WASF2: variants seen among roughly 807,000 people sequenced by gnomAD.
WASF2 encodes the protein actin-binding protein WASF2.
A neutral mutation model predicts 45.0 loss-of-function variants in WASF2; 14 were observed. That is an observed-to-expected ratio of 0.31 (90% CI 0.21 to 0.49). The LOEUF (loss-of-function observed/expected upper bound fraction) is 0.49, where lower values mean the gene tolerates loss of function less well. Ranked by LOEUF, WASF2 falls within the 20% of genes least tolerant of loss-of-function variation. WASF2 has a pLI of 0.99. For missense variants in WASF2, 439 were observed against 636.1 expected (o/e 0.69, Z 3.33); for synonymous variants, 200 against 236.3 (o/e 0.85, Z 1.41).
intron 1 of WASF2, among the ~76,000 whole-genome samples, chr1:27,452,922 A>G (rs564339247): frequency 7.0e-4 from 105 of 150,358 alleles, no homozygotes; most frequent in African/African-American, 2.3e-3. Context: ...TAAGAAGAAT[A>G]TTGCCAGGCA....
At chr1:27,471,423 C>G (rs72884609) in intron 1 of WASF2, among the ~76,000 whole-genome samples, 5 of 150,682 alleles carry the variant, frequency 3.3e-5, no homozygotes, top group African/African-American at 1.2e-4. Context: ...GAAGCTGTGA[C>G]GGAAGAATCG....
At chr1:27,409,428 C>CAAAAAAAAAAAAAAAAAAA in intron 8 of WASF2, among the ~76,000 whole-genome samples, 1 of 43,692 alleles carries the variant, frequency 2.3e-5, no homozygotes, top group Non-Finnish European at 5.9e-5. Context: ...CTGTCCCCCA[C>CAAAAAAAAAAAAAAAAAAA]AAAAAAAAAA....
chr1:27,483,758 A>T (rs1346605385), intron 1 of WASF2, among the ~76,000 whole-genome samples: 1 of 151,950 alleles, frequency 6.6e-6, no homozygotes, highest in Non-Finnish European at 1.5e-5. Context: ...GTTTAAGACC[A>T]GCCTGGGCAA....
At chr1:27,444,069 G>A (rs755085940) in intron 1 of WASF2, among the ~76,000 whole-genome samples, 6 of 152,062 alleles carry the variant, frequency 3.9e-5, no homozygotes, top group African/African-American at 7.2e-5. Flanking sequence ...ATGAGCCACC[G>A]CGCCTGGCCT....
intron 1 of WASF2, among the ~76,000 whole-genome samples, chr1:27,478,739 C>T (rs1429864147): frequency 6.6e-6 from 1 of 152,018 alleles, no homozygotes; most frequent in East Asian, 1.9e-4. Flanking sequence ...TCCGTCACCA[C>T]ACCCAGATAA....
At position 27,409,796 on chromosome 1, in the gene WASF2, C is replaced by A; in HGVS notation, c.1235G>T (p.Gly412Val). 2 of 1,559,364 alleles carry A rather than the reference C, an allele frequency of 1.3e-6. No individual in the cohort carries two copies. Among genetic ancestry groups the A allele is most frequent in the South Asian group, 1.2e-5 (1 of 81,302 alleles). ...PPPPPFTGAD[G>V]QPAIPPPLSD... Reference sequence around the variant, plus strand: ...AAGCGGTGGTGGTATAGCAGGCTGGCCATCTGCACCAGTGAAAGGGGGAGG... The same window carrying A: ...AAGCGGTGGTGGTATAGCAGGCTGGACATCTGCACCAGTGAAAGGGGGAGG... Residue 412 changes from glycine to valine, a missense_variant, in exon 8 of 9, where the codon GGC (glycine) becomes GTC (valine). Physicochemically the swap from Gly to Val is moderately radical, Grantham distance 109 (BLOSUM62 -3). This residue lies in a region of WASF2 where 286 missense variants were observed against 373.5 expected (regional missense o/e 0.77). Transcript: ENST00000618852.
rs1444126331 is a variant in WASF2 at position 27,481,720 on chromosome 1, T to A, written c.-44+8266A>T. Among the ~76,000 whole-genome samples the A allele has an allele frequency of 2.0e-5, 3 of 150,164 alleles. 1 individual carries two copies. The highest frequency in any genetic ancestry group is 2.0e-4 in the Admixed American group (3 of 15,042). ...GCCTGGGCGACAGAGCAAGACTCCATCTCAAAAAAAAGAAAAAAGAAAAAA... is the reference window on the plus strand; with the variant it reads ...GCCTGGGCGACAGAGCAAGACTCCAACTCAAAAAAAAGAAAAAAGAAAAAA... On this transcript the variant is annotated intron_variant, in intron 1 of 8. Coordinates refer to ENST00000618852, the MANE Select transcript of WASF2 (RefSeq NM_006990.5).
At chr1:27,486,997 T>C (rs936814281) in intron 1 of WASF2, among the ~76,000 whole-genome samples, 2 of 147,876 alleles carry the variant, frequency 1.4e-5, no homozygotes, top group African/African-American at 4.9e-5. Flanking sequence ...TATTTACATA[T>C]AATCTACATT....
intron 1 of WASF2, among the ~76,000 whole-genome samples, chr1:27,456,070 C>A (rs1465252951): frequency 6.6e-6 from 1 of 152,040 alleles, no homozygotes; most frequent in Non-Finnish European, 1.5e-5. Flanking sequence ...CACCTGTAAT[C>A]CCAGCACTTT....
chr1:27,473,446 C>T (rs2017720337), intron 1 of WASF2, among the ~76,000 whole-genome samples: 1 of 135,582 alleles, frequency 7.4e-6, no homozygotes, highest in African/African-American at 2.8e-5. Flanking sequence ...AGACTCCAGA[C>T]TCCATGGCCA....
intron 1 of WASF2, among the ~76,000 whole-genome samples, chr1:27,457,006 T>C (rs1055436919): frequency 9.2e-5 from 14 of 151,950 alleles, no homozygotes; most frequent in African/African-American, 2.4e-5. Flanking sequence ...CCCCCCAAAG[T>C]GCTGGGATTT....
chr1:27,409,452 A>AAG (rs2016729849), intron 8 of WASF2, among the ~76,000 whole-genome samples: 4 of 146,268 alleles, frequency 2.7e-5, no homozygotes, highest in African/African-American at 1.1e-4. Flanking sequence ...AAAAAAAAAA[A>AAG]AAAAGAAAAG....
intron 2 of WASF2, among the ~76,000 whole-genome samples, chr1:27,425,556 T>C (rs1230203252): frequency 6.6e-6 from 1 of 152,002 alleles, no homozygotes; most frequent in African/African-American, 2.4e-5. Flanking sequence ...TACAAAAAAT[T>C]GGCCAGGCGC....
chr1:27,406,611 T>C lies in WASF2; in HGVS notation c.*1578A>G, dbSNP rs973764683. 1 of 152,322 alleles carries C rather than the reference T, an allele frequency of 6.6e-6. No homozygotes were observed. Among genetic ancestry groups the C allele is most frequent in the African/African-American group, 2.4e-5 (1 of 41,352 alleles). The allele number at this position is 152,322 out of a possible 1,614,324, so 9.4% of individuals were successfully genotyped here. On this transcript the variant is annotated 3_prime_UTR_variant, in exon 9 of 9. Transcript: ENST00000618852. ...GATTTCAGCATAAGAGGCTACACAA[T>C]AGTTAGGGCAGAAGAAAAGAAACCT...
chr1:27,475,206 C>G (rs1007942382), intron 1 of WASF2, among the ~76,000 whole-genome samples: 2 of 152,054 alleles, frequency 1.3e-5, no homozygotes, highest in Non-Finnish European at 2.9e-5. Context: ...TGCAGCGAGC[C>G]AAGACTGTGC....
In WASF2 at chr1:27,481,119, AC is replaced by A. The variant is rs1298650832; in HGVS notation, c.-44+8866del. On this transcript the variant is annotated intron_variant, in intron 1 of 8. Transcript: ENST00000618852. The stretch of plus-strand genomic sequence containing the variant: ...AGACCATCCTAGCTTACATGGTGAA[AC>A]CCCGTCTCTACTAAAAATACAAAAA... Among the ~76,000 whole-genome samples the A allele has an allele frequency of 7.6e-5, 11 of 145,244 alleles. 1 individual carries two copies. Among genetic ancestry groups the A allele is most frequent in the African/African-American group, 2.8e-4 (11 of 38,948 alleles).
chr1:27,448,684 T>C (rs2480224), intron 1 of WASF2, among the ~76,000 whole-genome samples: 137,122 of 151,950 alleles, frequency 0.9, 61,951 homozygotes, highest in East Asian at 1. Flanking sequence ...AATCCCATCT[T>C]TACTAGAATT....
intron 1 of WASF2, among the ~76,000 whole-genome samples, chr1:27,479,702 T>C (rs1213197865): frequency 6.6e-6 from 1 of 152,038 alleles, no homozygotes; most frequent in Non-Finnish European, 1.5e-5. Flanking sequence ...CCGTCTCTAC[T>C]AAAAATACAA....
intron 1 of WASF2, among the ~76,000 whole-genome samples, chr1:27,470,324 C>T (rs1237839775): frequency 6.6e-6 from 1 of 152,058 alleles, no homozygotes; most frequent in Non-Finnish European, 1.5e-5. Flanking sequence ...AAACTATACA[C>T]CTCACCTAAG....
Sources: gnomAD v4.1 joint callset for allele counts (sites outside exome capture counted in the v4.1 genomes callset) on GRCh38, gnomAD v4.1.1 for gene constraint, gnomAD v4.1.1 regional missense constraint, MANE v1.5 for transcripts, NCBI Gene and HGNC (gene_info 2026-07-23, HGNC 2026-07-21) for gene names.